Variants in PLXDC2 observed in about 807,000 individuals in gnomAD.
PLXDC2 encodes plexin domain-containing protein 2.
PLXDC2 carries 40 observed loss-of-function variants against 68.9 expected under a neutral mutation model. That is an observed-to-expected ratio of 0.58 (90% CI 0.45 to 0.76). The LOEUF is 0.76. Among genes scored for constraint, PLXDC2 ranks in the 30% least tolerant of loss-of-function variants. The probability of loss-of-function intolerance (pLI) is 0.00; values close to 1 mark genes in which losing one functional copy is unlikely to be tolerated. For missense variants in PLXDC2, 644 were observed against 661.9 expected (o/e 0.97, Z 0.30); for synonymous variants, 243 against 234.2 (o/e 1.04, Z -0.34).
rs186365189 is a variant in PLXDC2 at position 19,891,007 on chromosome 10, G to A, written c.112+73816G>A. Among the ~76,000 whole-genome samples the A allele has an allele frequency of 1.0e-3, 156 of 152,092 alleles. No homozygotes were observed. In the Middle Eastern group the frequency reaches 0.017, roughly 17 times the overall value. The stretch of plus-strand genomic sequence containing the variant: ...CCATCATTTCTGACTTTCCCATGTA[G>A]GGTCTAACTTCTGACCTCATTTCTT... On this transcript the variant is annotated intron_variant, in intron 1 of 13. Coordinates refer to ENST00000377252, the MANE Select transcript of PLXDC2 (RefSeq NM_032812.9).
At chr10:19,871,884 A>C (rs80044665) in intron 1 of PLXDC2, among the ~76,000 whole-genome samples, 1 of 35,236 alleles carries the variant, frequency 2.8e-5, no homozygotes, top group African/African-American at 9.5e-5. Context: ...GAAACTGTCA[A>C]AAAAAAAAAA....
chr10:20,099,979 A>G (rs564749290), intron 4 of PLXDC2, among the ~76,000 whole-genome samples: 66 of 152,344 alleles, frequency 4.3e-4, no homozygotes, highest in Admixed American at 1.5e-3. Flanking sequence ...ATATTATTTC[A>G]TATGTTACCT....
At chr10:20,167,119 T>C (rs1487928461) in intron 7 of PLXDC2, among the ~76,000 whole-genome samples, 2 of 152,154 alleles carry the variant, frequency 1.3e-5, no homozygotes, top group Admixed American at 1.3e-4. Context: ...GATTTGGGTC[T>C]CGAGTTCTGC....
rs1484131963 is a variant in PLXDC2 at position 20,284,330 on chromosome 10, T to TATATATATACACAC, written c.*4512_*4513insTATATATACACACA. On this transcript the variant is annotated 3_prime_UTR_variant, in exon 14 of 14. Transcript: ENST00000377252. ...AAATATACATATATATATATATATA[T>TATATATATACACAC]ACACACACACACACACACACACAAA... is the stretch of plus-strand genomic sequence containing the variant. 41 of 126,344 alleles carry TATATATATACACAC rather than the reference T, an allele frequency of 3.2e-4. No individual in the cohort carries two copies. Among genetic ancestry groups the TATATATATACACAC allele is most frequent in the East Asian group, 1.9e-3 (8 of 4,210 alleles). The allele number at this position is 126,344 out of a possible 1,614,324, so 7.8% of individuals were successfully genotyped here.
intron 1 of PLXDC2, among the ~76,000 whole-genome samples, chr10:19,843,517 A>T (rs116476038): frequency 6.6e-6 from 1 of 152,186 alleles, no homozygotes; most frequent in African/African-American, 2.4e-5. Context: ...AACATTAGAA[A>T]ATAAGAGAAG....
At chr10:20,115,015 C>T (rs1047072395) in intron 4 of PLXDC2, among the ~76,000 whole-genome samples, 6 of 152,200 alleles carry the variant, frequency 3.9e-5, no homozygotes, top group African/African-American at 7.2e-5. Flanking sequence ...TAAATAAATC[C>T]GCAATGCAAT....
intron 9 of PLXDC2, among the ~76,000 whole-genome samples, chr10:20,205,712 A>G (rs1185691066): frequency 1.3e-5 from 2 of 152,238 alleles, no homozygotes; most frequent in East Asian, 1.9e-4. Context: ...CAAAGGTATA[A>G]TTAGGTATTA....
intron 7 of PLXDC2, among the ~76,000 whole-genome samples, chr10:20,167,177 C>A (rs184320354): frequency 2.0e-4 from 30 of 152,084 alleles, no homozygotes; most frequent in Non-Finnish European, 4.4e-4. Flanking sequence ...AAATTAGAAT[C>A]AATATGTTCT....
chr10:19,972,599 G>C (rs12251887), intron 1 of PLXDC2, among the ~76,000 whole-genome samples: 24,981 of 151,760 alleles, frequency 0.16, 2,075 homozygotes, highest in East Asian at 0.27. Flanking sequence ...ATAAAAGTTG[G>C]AAGAAAAAAA....
intron 13 of PLXDC2, among the ~76,000 whole-genome samples, chr10:20,258,088 G>A (rs970820236): frequency 5.3e-5 from 7 of 131,872 alleles, no homozygotes; most frequent in African/African-American, 2.0e-4. Context: ...TGCAACCTCC[G>A]CCTCCCGAGT....
At chr10:19,867,246 G>C (rs957292167) in intron 1 of PLXDC2, among the ~76,000 whole-genome samples, 3 of 151,804 alleles carry the variant, frequency 2.0e-5, no homozygotes, top group African/African-American at 4.8e-5. Context: ...TGTATTTTTG[G>C]TGGAGATGGG....
intron 1 of PLXDC2, among the ~76,000 whole-genome samples, chr10:19,923,533 A>G (rs781341820): frequency 6.6e-6 from 1 of 152,232 alleles, no homozygotes; most frequent in Non-Finnish European, 1.5e-5. Context: ...TTCATTTGAT[A>G]TGGGCAGAAA....
intron 1 of PLXDC2, among the ~76,000 whole-genome samples, chr10:19,922,252 C>A (rs1386758053): frequency 6.6e-6 from 1 of 152,230 alleles, no homozygotes; most frequent in Non-Finnish European, 1.5e-5. Context: ...TGGAGCTAGA[C>A]ATATGCCTCT....
At chr10:20,052,722 C>CAAAAAAAAAAAAAAAAAAAAAAAAAAAGA (rs59776582) in intron 3 of PLXDC2, among the ~76,000 whole-genome samples, 5 of 92,816 alleles carry the variant, frequency 5.4e-5, no homozygotes, top group Non-Finnish European at 9.6e-5. Context: ...ACAAATTATG[C>CAAAAAAAAAAAAAAAAAAAAAAAAAAAGA]AAAAAAAAAA....
At chr10:19,975,073 A>G (rs754519967) in intron 1 of PLXDC2, among the ~76,000 whole-genome samples, 4 of 152,012 alleles carry the variant, frequency 2.6e-5, no homozygotes, top group African/African-American at 4.8e-5. Context: ...CTTTTTAGCT[A>G]TTTTCTCATG....
In PLXDC2 at chr10:20,251,823, A is replaced by T. The variant is rs903302652; in HGVS notation, c.1473+6318A>T. Among the ~76,000 whole-genome samples the T allele has an allele frequency of 3.3e-5, 5 of 152,186 alleles. No homozygotes were observed. In the South Asian group the frequency reaches 8.3e-4, roughly 25 times the overall value. ...TACATAAATAATTGCTAGTATTTGG[A>T]CACTCATGTACAGTTTTGATTGCTC... is the stretch of plus-strand genomic sequence containing the variant. On this transcript the variant is annotated intron_variant, in intron 13 of 13. Coordinates refer to ENST00000377252, the MANE Select transcript of PLXDC2 (RefSeq NM_032812.9).
At chr10:19,962,605 T>C (rs1253594492) in intron 1 of PLXDC2, among the ~76,000 whole-genome samples, 1 of 148,114 alleles carries the variant, frequency 6.8e-6, no homozygotes, top group Admixed American at 6.7e-5. Context: ...TTAGCCAATA[T>C]GGTCTCGATC....
At chr10:20,038,651 A>G (rs1040888898) in intron 2 of PLXDC2, among the ~76,000 whole-genome samples, 1 of 152,212 alleles carries the variant, frequency 6.6e-6, no homozygotes, top group Admixed American at 6.5e-5. Flanking sequence ...TGAATACTTT[A>G]TATTCTGTTC....
chr10:20,105,067 A>T (rs912039142), intron 4 of PLXDC2, among the ~76,000 whole-genome samples: 106 of 151,342 alleles, frequency 7.0e-4, no homozygotes, highest in African/African-American at 2.0e-3. Context: ...AAAAAAAAAA[A>T]AAAAGAGCTT....
Sources: allele counts gnomAD v4.1 joint callset (sites outside exome capture counted in the v4.1 genomes callset), GRCh38; gene constraint gnomAD v4.1.1; transcripts MANE v1.5; gene names NCBI Gene and HGNC (gene_info 2026-07-23, HGNC 2026-07-21).